Variants in SEZ6L observed in about 807,000 individuals in gnomAD.
SEZ6L encodes the protein seizure 6-like protein.
SEZ6L carries 37 observed loss-of-function variants against 106.2 expected under a neutral mutation model. The ratio of observed to expected loss-of-function variants is 0.35; its 90% CI spans 0.27 to 0.46. The LOEUF (loss-of-function observed/expected upper bound fraction) is 0.46. Among genes scored for constraint, SEZ6L ranks in the 20% least tolerant of loss-of-function variants. The pLI, the probability that SEZ6L is intolerant of heterozygous loss-of-function variation, is 1.00. For synonymous variants in SEZ6L, 541 were observed against 570.4 expected (o/e 0.95, Z 0.73); for missense variants, 1,172 against 1,332.8 (o/e 0.88, Z 1.88).
At position 26,371,640 on chromosome 22, in the gene SEZ6L, A is replaced by G. The variant is rs576038847; in HGVS notation, c.2795-1811A>G. On this transcript the variant is annotated intron_variant, in intron 13 of 16. Transcript: ENST00000248933. ...GAGCAAGACTCTGTCTTAAAAAATA[A>G]TAATAATATACACAAATGACAAAAA... Among the ~76,000 whole-genome samples, 6 of 150,388 alleles carry G rather than the reference A, an allele frequency of 4.0e-5. No individual in the cohort carries two copies. The South Asian group carries it at 1.3e-3, about 32-fold the overall frequency.
At chr22:26,377,622 T>C (rs2084272357) in intron 15 of SEZ6L, 51 bp from the exon 16 acceptor site, 1 of 1,436,346 alleles carries the variant, frequency 7.0e-7, no homozygotes, top group Non-Finnish European at 9.8e-7. Flanking sequence ...AATATTGTAA[T>C]GTTTCTCCTA....
chr22:26,204,110 A>G (rs977792311), intron 1 of SEZ6L, among the ~76,000 whole-genome samples: 39 of 152,134 alleles, frequency 2.6e-4, no homozygotes, highest in African/African-American at 7.7e-4. Flanking sequence ...CCATTCCTAC[A>G]TCTTATTGCT....
chr22:26,182,876 C>T (rs1002994057), intron 1 of SEZ6L, among the ~76,000 whole-genome samples: 1 of 151,992 alleles, frequency 6.6e-6, no homozygotes, highest in African/African-American at 2.4e-5. Context: ...CCATAAAACC[C>T]TAGAGGAGGC....
chr22:26,371,300 T>C (rs897983941), intron 13 of SEZ6L, among the ~76,000 whole-genome samples: 1 of 152,230 alleles, frequency 6.6e-6, no homozygotes, highest in African/African-American at 2.4e-5. Flanking sequence ...GGCAAAGATC[T>C]ATGGATATCG....
At chr22:26,183,015 T>C (rs575482016) in intron 1 of SEZ6L, among the ~76,000 whole-genome samples, 1 of 152,154 alleles carries the variant, frequency 6.6e-6, no homozygotes, top group Non-Finnish European at 1.5e-5. Context: ...TCCCTGTTTC[T>C]AAAGAAAGCA....
At chr22:26,323,766 A>G (rs1235087479) in intron 9 of SEZ6L, among the ~76,000 whole-genome samples, 1 of 151,284 alleles carries the variant, frequency 6.6e-6, no homozygotes, top group Non-Finnish European at 1.5e-5. Context: ...ACTGGCACAC[A>G]TTATCTCATT....
At chr22:26,323,961 CTG>C (rs916466779) in intron 9 of SEZ6L, among the ~76,000 whole-genome samples, 1 of 152,008 alleles carries the variant, frequency 6.6e-6, no homozygotes, top group Non-Finnish European at 1.5e-5. Flanking sequence ...GATGAAGAAA[CTG>C]AGGCTGAGAG....
At chr22:26,272,696 T>C (rs2080407237) in intron 1 of SEZ6L, among the ~76,000 whole-genome samples, 1 of 152,212 alleles carries the variant, frequency 6.6e-6, no homozygotes. Context: ...GTTTGTTGAA[T>C]GACTATATGA....
chr22:26,199,525 A>G (rs1439299196), intron 1 of SEZ6L, among the ~76,000 whole-genome samples: 1 of 152,158 alleles, frequency 6.6e-6, no homozygotes, highest in Admixed American at 6.5e-5. Context: ...CATTGGTTCA[A>G]TTTGTCTACC....
chr22:26,330,423 T>A (rs2082444504), intron 9 of SEZ6L, among the ~76,000 whole-genome samples: 1 of 152,204 alleles, frequency 6.6e-6, no homozygotes, highest in Admixed American at 6.5e-5. Flanking sequence ...CTTAGCTAGT[T>A]ATTACATAGC....
intron 9 of SEZ6L, among the ~76,000 whole-genome samples, chr22:26,333,801 C>G (rs1316720414): frequency 6.6e-6 from 1 of 152,070 alleles, no homozygotes; most frequent in Non-Finnish European, 1.5e-5. Context: ...GGAGGGGATG[C>G]TGGGGGCTCT....
At chr22:26,200,331 C>T (rs922956214) in intron 1 of SEZ6L, among the ~76,000 whole-genome samples, 2 of 152,102 alleles carry the variant, frequency 1.3e-5, no homozygotes, top group Non-Finnish European at 2.9e-5. Flanking sequence ...TATGATCCAT[C>T]CTTTCAGTAA....
At chr22:26,275,710 G>A (rs1440360782) in intron 1 of SEZ6L, among the ~76,000 whole-genome samples, 3 of 152,126 alleles carry the variant, frequency 2.0e-5, no homozygotes, top group Non-Finnish European at 4.4e-5. Context: ...GGTGCCTTTT[G>A]GTTCTGCCTT....
At chr22:26,218,552 A>T (rs1263331953) in intron 1 of SEZ6L, among the ~76,000 whole-genome samples, 1 of 152,256 alleles carries the variant, frequency 6.6e-6, no homozygotes, top group Non-Finnish European at 1.5e-5. Flanking sequence ...CTATAATCTT[A>T]GCAATTTGGG....
chr22:26,363,408 G>A (rs2083700192), intron 12 of SEZ6L, among the ~76,000 whole-genome samples: 2 of 152,072 alleles, frequency 1.3e-5, no homozygotes, highest in South Asian at 4.2e-4. Flanking sequence ...TTATGTTGTT[G>A]GCACATAATA....
At chr22:26,186,084 C>T (rs183929091) in intron 1 of SEZ6L, among the ~76,000 whole-genome samples, 1 of 152,134 alleles carries the variant, frequency 6.6e-6, no homozygotes, top group Non-Finnish European at 1.5e-5. Flanking sequence ...GTTTGCCGCA[C>T]ACCGGGGACA....
intron 1 of SEZ6L, among the ~76,000 whole-genome samples, chr22:26,257,570 G>C (rs887403416): frequency 2.0e-5 from 3 of 152,136 alleles, no homozygotes; most frequent in African/African-American, 7.2e-5. Context: ...ATAATCAAAG[G>C]CATCAGTAAA....
intron 16 of SEZ6L, among the ~76,000 whole-genome samples, chr22:26,379,391 C>T (rs28702590): frequency 0.066 from 10,009 of 152,320 alleles, 662 homozygotes; most frequent in African/African-American, 0.17. Flanking sequence ...GGAGGGGACC[C>T]CACAAAGGCA....
At chr22:26,175,583 CA>C (rs1302040638) in intron 1 of SEZ6L, among the ~76,000 whole-genome samples, 1 of 151,952 alleles carries the variant, frequency 6.6e-6, no homozygotes, top group African/African-American at 2.4e-5. Flanking sequence ...CAGTAGTTCC[CA>C]AAAAAGATGA....
Sources: allele counts gnomAD v4.1 joint callset (sites outside exome capture counted in the v4.1 genomes callset), GRCh38; gene constraint gnomAD v4.1.1; transcripts MANE v1.5; gene names NCBI Gene and HGNC (gene_info 2026-07-23, HGNC 2026-07-21).